The following HSPG2 variants were observed in gnomAD, a reference collection of about 807,000 sequenced individuals.
The protein encoded by HSPG2 is heparan sulfate proteoglycan 2.
A neutral mutation model predicts 526.6 loss-of-function variants in HSPG2; 278 were observed. The observed-to-expected ratio is 0.53, with a 90% CI of 0.48 to 0.58. HSPG2 has a LOEUF of 0.58. HSPG2 is among the 20% of genes least tolerant of loss of function. The probability of loss-of-function intolerance (pLI) is 0.00; values close to 1 mark genes in which losing one functional copy is unlikely to be tolerated. For missense variants in HSPG2, 5,354 were observed against 6,099.5 expected (o/e 0.88, Z 4.07); for synonymous variants, 2,465 against 2,555.4 (o/e 0.96, Z 1.07).
In HSPG2 at chr1:21,873,172, G is replaced by A. The variant is rs1169630204; in HGVS notation, c.3794-81C>T. On this transcript the variant is annotated intron_variant, in intron 30 of 96. Transcript: ENST00000374695. ...TTCCCTCCACTCTGCTCACCACTGA[G>A]CGGGAGCTCTGATTTCTGATGTGAG... The A allele has an allele frequency of 1.8e-5, 24 of 1,307,860 alleles. No homozygotes were observed. In the East Asian group the frequency reaches 2.5e-4, roughly 14 times the overall value. 81.0% of individuals were successfully genotyped at this position (1,307,860 alleles called of 1,614,324 possible).
chr1:21,874,474 C>T lies in HSPG2; in HGVS notation c.3588G>A (p.Gly1196=), dbSNP rs562687632. The T allele has an allele frequency of 2.5e-5, 41 of 1,612,620 alleles. No individual in the cohort carries two copies. The South Asian group carries it at 4.3e-4, about 17-fold the overall frequency. ...CCTGTGGTGTCCCCCGCTGGGCGTCCCCGTAGTATCCTGGCTGGCACTGCT... is the reference window on the plus strand; with the variant it reads ...CCTGTGGTGTCCCCCGCTGGGCGTCTCCGTAGTATCCTGGCTGGCACTGCT... The part of the protein sequence containing the change: ...RCEQCQPGYY[G]DAQRGTPQDC... The change falls in exon 28 of 97, where the codon GGG becomes GGA. Residue 1196 remains glycine (G), a synonymous_variant. Transcript: ENST00000374695.
In HSPG2 at chr1:21,848,709, A is replaced by C; in HGVS notation, c.7671T>G (p.Val2557=). The stretch of plus-strand genomic sequence containing the variant: ...TGATGGTGTGGGGAGCCTGGCTGGC[A>C]ACCAGGCAGTTGAGGTCCAGGGTGT... ...NGHTLDLNCL[V]ASQAPHTITW... is the part of the protein sequence containing the mutation. The change falls in exon 59 of 97, where the codon GTT becomes GTG. Residue 2557 remains valine, a synonymous_variant. Coordinates refer to ENST00000374695, the MANE Select transcript of HSPG2 (RefSeq NM_005529.7). The surrounding 1 kb of genome is among the most constrained non-coding windows in gnomAD (Gnocchi z 4.9). 1 of 1,613,848 alleles carries C rather than the reference A, an allele frequency of 6.2e-7. No homozygotes were observed. The highest frequency in any genetic ancestry group is 8.5e-7 in the Non-Finnish European group (1 of 1,179,978).
intron 26 of HSPG2, 72 bp from the exon 27 acceptor site, chr1:21,874,801 A>G: frequency 6.7e-7 from 1 of 1,502,780 alleles, no homozygotes; most frequent in Non-Finnish European, 9.1e-7. Flanking sequence ...CTGGATGGCC[A>G]GGGCTGGGGA....
intron 85 of HSPG2, 44 bp downstream of exon 85, chr1:21,830,938 A>G: frequency 7.5e-7 from 1 of 1,333,410 alleles, no homozygotes; most frequent in Non-Finnish European, 1.1e-6. Context: ...CAAAGGGAAG[A>G]GGCAGGCCCT....
intron 44 of HSPG2, 120 bp from the exon 45 acceptor site, chr1:21,856,032 C>T (rs918981863): frequency 3.6e-6 from 5 of 1,383,612 alleles, no homozygotes; most frequent in Non-Finnish European, 4.9e-6. Context: ...TCTGTGCACA[C>T]AGGAGCCAGA....
At chr1:21,905,856 T>C (rs1240259478) in intron 1 of HSPG2, among the ~76,000 whole-genome samples, 1 of 151,232 alleles carries the variant, frequency 6.6e-6, no homozygotes, top group Non-Finnish European at 1.5e-5. Flanking sequence ...ACAAAAAAAT[T>C]AAAAATCAGC....
intron 1 of HSPG2, among the ~76,000 whole-genome samples, chr1:21,927,585 AT>A (rs1237716187): frequency 1.3e-5 from 2 of 151,554 alleles, no homozygotes; most frequent in African/African-American, 4.9e-5. Flanking sequence ...TTCTGCACCC[AT>A]GGGAGCCCCT....
rs777573822 is a variant in HSPG2, at chr1:21,847,678, C to A, written c.8025+11G>T. 1 of 1,605,490 alleles carries A rather than the reference C, an allele frequency of 6.2e-7. No homozygotes were observed. Among genetic ancestry groups the A allele is most frequent in the Admixed American group, 1.7e-5 (1 of 58,534 alleles). The stretch of plus-strand genomic sequence containing the variant: ...TGGTTCCACCCCCGCTGCTGTGGCT[C>A]CACTCTGTACCTGGTGTCGGGAGGG... On this transcript the variant is annotated intron_variant, in intron 61 of 96. Transcript: ENST00000374695. The surrounding 1 kb of genome is among the most constrained non-coding windows in gnomAD (Gnocchi z 4.1).
intron 81 of HSPG2, 125 bp downstream of exon 81, chr1:21,832,370 A>G (rs2098008247): frequency 1.3e-6 from 1 of 796,840 alleles, no homozygotes; most frequent in African/African-American, 1.7e-5. Flanking sequence ...GGTGGTCACC[A>G]AGGGTAACGG....
Position 21,881,386 on chromosome 1 carries a change from C to G in HSPG2, c.1771G>C (p.Val591Leu). Reference sequence around the variant, plus strand: ...GGCAGAGCCCAGAAGGAGTCGTGGACGAGGAAGCGGCGGGACAGGTCGACT... The same window carrying G: ...GGCAGAGCCCAGAAGGAGTCGTGGAGGAGGAAGCGGCGGGACAGGTCGACT... ...QLVDLSRRFL[V>L]HDSFWALPEQ... Residue 591 changes from valine (V) to leucine (L), a missense_variant, in exon 14 of 97, where the codon GTC becomes CTC. By Grantham distance (32) the Val-to-Leu change is conservative. Transcript: ENST00000374695. 4 of 1,614,174 alleles carry G rather than the reference C, an allele frequency of 2.5e-6. No homozygotes were observed. The highest frequency in any genetic ancestry group is 3.4e-6 in the Non-Finnish European group (4 of 1,180,034).
At chr1:21,875,343 G>C (rs1469469573) in intron 25 of HSPG2, 2 of 599,722 alleles carry the variant, frequency 3.3e-6, no homozygotes, top group Non-Finnish European at 3.0e-6. Flanking sequence ...CTGAGGCTGG[G>C]GCTAGACTTG....
At chr1:21,900,987 G>A (rs1643069450) in intron 1 of HSPG2, among the ~76,000 whole-genome samples, 2 of 152,128 alleles carry the variant, frequency 1.3e-5, no homozygotes, top group African/African-American at 4.8e-5. Context: ...AGAGTCCTGT[G>A]TTTCACTGTA....
Position 21,872,401 on chromosome 1 carries a change from C to A in HSPG2, c.4030-24G>T, listed in dbSNP as rs369407490. On this transcript the variant is annotated intron_variant, in intron 32 of 96. Transcript: ENST00000374695. The surrounding 1 kb of genome is among the most constrained non-coding windows in gnomAD (Gnocchi z 5.5). ...ATCTGGCAGGGGAAAAAGGAGGGGG[C>A]GTCAGCCTGAGCACCGGGGTGCCTT... 1 of 1,545,438 alleles carries A rather than the reference C, an allele frequency of 6.5e-7. No homozygotes were observed. The highest frequency in any genetic ancestry group is 8.8e-7 in the Non-Finnish European group (1 of 1,142,676).
At position 21,864,590 on chromosome 1, in the gene HSPG2, G is replaced by T. The variant is rs1348850725; in HGVS notation, c.4626+253C>A. 1.3e-5 allele frequency among the ~76,000 whole-genome samples: 2 copies of T among 152,232 alleles called. No individual in the cohort carries two copies. The highest frequency in any genetic ancestry group is 2.4e-5 in the African/African-American group (1 of 41,462). ...TAGGCTTTGGAGTCAATCAGACCCA[G>T]GTTCAAATTAGTTTCTGCCACACAT... On this transcript the variant is annotated intron_variant, in intron 36 of 96. Coordinates refer to ENST00000374695, the MANE Select transcript of HSPG2 (RefSeq NM_005529.7). This position sits in a 1 kb window ranked among gnomAD's most constrained non-coding sequence, Gnocchi z 4.8.
Position 21,854,586 on chromosome 1 carries a change from T to C in HSPG2, c.6288+25A>G, listed in dbSNP as rs376087308. On this transcript the variant is annotated intron_variant, in intron 49 of 96. Transcript: ENST00000374695. Reference sequence around the variant, plus strand: ...CACAGCCCCTGCACCCTGGGTCCCCTGCCATAGGCTCAGGGCCCACATACC... The same window carrying C: ...CACAGCCCCTGCACCCTGGGTCCCCCGCCATAGGCTCAGGGCCCACATACC... 80 of 1,543,026 alleles carry C rather than the reference T, an allele frequency of 5.2e-5. No homozygotes were observed. In the African/African-American group the frequency reaches 1.0e-3, roughly 20 times the overall value.
chr1:21,862,735 C>T (rs890658224), intron 37 of HSPG2, among the ~76,000 whole-genome samples: 39 of 151,916 alleles, frequency 2.6e-4, no homozygotes, highest in African/African-American at 9.4e-4. Flanking sequence ...CCTGTGATAG[C>T]AAAGGAAAGG....
chr1:21,920,651 G>C (rs1162985835), intron 1 of HSPG2, among the ~76,000 whole-genome samples: 2 of 152,188 alleles, frequency 1.3e-5, no homozygotes, highest in African/African-American at 4.8e-5. Context: ...ACACATTCCT[G>C]TTGGAGCAAC....
Position 21,842,355 on chromosome 1 carries a change from T to C in HSPG2, c.8936A>G (p.His2979Arg), listed in dbSNP as rs1020696012. ...GCCTGAGTCGGCAGGGGAGACGAGG[T>C]GGAGCCGCAGCTGGGAGCCATGGGT... ...HQTHGSQLRL[H>R]LVSPADSGEY... Residue 2979 changes from histidine to arginine, a missense_variant, in exon 68 of 97, where the codon CAC becomes CGC. Coordinates refer to ENST00000374695, the MANE Select transcript of HSPG2 (RefSeq NM_005529.7). 2.5e-6 allele frequency: 4 copies of C among 1,609,090 alleles called. No individual in the cohort carries two copies. In the African/African-American group the frequency reaches 5.3e-5, roughly 22 times the overall value.
rs373806328 is a variant in HSPG2 at position 21,853,084 on chromosome 1, G to A, written c.6440-14C>T. 8.2e-5 allele frequency: 133 copies of A among 1,613,450 alleles called. No homozygotes were observed. Among genetic ancestry groups the A allele is most frequent in the Non-Finnish European group, 1.1e-4 (126 of 1,179,914 alleles). On this transcript the variant is annotated splice_polypyrimidine_tract_variant and intron_variant, in intron 50 of 96. Transcript: ENST00000374695. ...TGCTGCCGGGCACTGGACACAGAGC[G>A]GCTGCTCAGAGGCCTGAACTCTTGG...
Sources: gnomAD v4.1 joint callset for allele counts (sites outside exome capture counted in the v4.1 genomes callset) on GRCh38, gnomAD v4.1.1 for gene constraint, Gnocchi (gnomAD v3.1) non-coding constraint, MANE v1.5 for transcripts, NCBI Gene and HGNC (gene_info 2026-07-23, HGNC 2026-07-21) for gene names.